SIN3A: variants seen among roughly 807,000 people sequenced by gnomAD.
The protein encoded by SIN3A is SIN3 transcription regulator family member A, also known as paired amphipathic helix protein Sin3a.
Under a neutral mutation model 146.1 loss-of-function variants are expected in SIN3A, and 14 were observed. The observed-to-expected ratio is 0.10, with a 90% confidence interval of 0.06 to 0.15. SIN3A has a LOEUF of 0.15. SIN3A is among the 10% of genes least tolerant of loss of function. SIN3A has a pLI of 1.00. For missense variants in SIN3A, 1,028 were observed against 1,576.0 expected, an observed-to-expected ratio of 0.65 and a Z score of 5.89; for synonymous variants, 572 against 572.0, an observed-to-expected ratio of 1.00 and a Z score of 0.00.
At chr15:75,418,859 A>G (rs1451302271) in intron 3 of SIN3A, among the ~76,000 whole-genome samples, 8 of 151,844 alleles carry the variant, frequency 5.3e-5, no homozygotes, top group African/African-American at 1.5e-4. Context: ...GGTTCACGCC[A>G]TTCTCCTGCC....
At chr15:75,397,980 G>A (rs1005280060) in intron 12 of SIN3A, among the ~76,000 whole-genome samples, 4 of 152,090 alleles carry the variant, frequency 2.6e-5, no homozygotes, top group African/African-American at 9.7e-5. Context: ...TAAATGCTGG[G>A]GCAAAGATGG....
intron 16 of SIN3A, among the ~76,000 whole-genome samples, chr15:75,387,014 C>T (rs1233757859): frequency 6.6e-6 from 1 of 152,064 alleles, no homozygotes; most frequent in Non-Finnish European, 1.5e-5. Flanking sequence ...CCCATGTTGC[C>T]CAGGCTGGTC....
chr15:75,397,336 C>T (rs1180147948), intron 12 of SIN3A, among the ~76,000 whole-genome samples: 3 of 152,168 alleles, frequency 2.0e-5, no homozygotes, highest in African/African-American at 4.8e-5. Flanking sequence ...ATGGACTAAA[C>T]TTCCTGGCTC....
intron 2 of SIN3A, among the ~76,000 whole-genome samples, chr15:75,427,511 T>C (rs2073945411): frequency 6.7e-6 from 1 of 149,274 alleles, no homozygotes; most frequent in Non-Finnish European, 1.5e-5. Flanking sequence ...AATACAAAAA[T>C]TAGCTGGGCG....
chr15:75,437,582 T>C (rs2074129353), intron 1 of SIN3A, among the ~76,000 whole-genome samples: 1 of 152,150 alleles, frequency 6.6e-6, no homozygotes, highest in East Asian at 1.9e-4. Flanking sequence ...ATGAACAATC[T>C]AAAGTAGAAA....
Position 75,389,754 on chromosome 15 carries a change from G to A in SIN3A, c.2919C>T (p.Asn973=), listed in dbSNP as rs1204255340. 13 of 1,614,114 alleles carry A rather than the reference G, an allele frequency of 8.1e-6. No individual in the cohort carries two copies. Among genetic ancestry groups the A allele is most frequent in the Non-Finnish European group, 1.1e-5 (13 of 1,179,996 alleles). ...AATCTTCATACTGTGATGAGTCTAT[G>A]TTGCCATCCAGCAGGCTCCGCACCA... is the stretch of plus-strand genomic sequence containing the variant. ...LDMVRSLLDG[N]IDSSQYEDSL... The change falls in exon 16 of 21, where the codon AAC becomes AAT. Residue 973 remains asparagine, a synonymous_variant. Coordinates refer to ENST00000394947, the MANE Select transcript of SIN3A (RefSeq NM_001145358.2).
At position 75,371,946 on chromosome 15, in the gene SIN3A, A is replaced by G. The variant is rs375599457; in HGVS notation, c.*33T>C. On this transcript the variant is annotated 3_prime_UTR_variant, in exon 21 of 21. Transcript: ENST00000394947. ...CATAGGCCCACACACACATCCCCAC[A>G]CACACCCCAAGTTATCTGCTCTGGC... 5.7e-6 allele frequency: 9 copies of G among 1,592,652 alleles called. No individual in the cohort carries two copies. Among genetic ancestry groups the G allele is most frequent in the Non-Finnish European group, 7.8e-6 (9 of 1,160,954 alleles).
chr15:75,422,904 G>A, intron 2 of SIN3A, 81 bp from the exon 3 acceptor site: 1 of 1,412,656 alleles, frequency 7.1e-7, no homozygotes, highest in Non-Finnish European at 9.7e-7. Context: ...TAACACAAAT[G>A]CACAAAGATA....
At chr15:75,429,753 T>C (rs2073983748) in intron 2 of SIN3A, among the ~76,000 whole-genome samples, 1 of 152,332 alleles carries the variant, frequency 6.6e-6, no homozygotes, top group East Asian at 1.9e-4. Context: ...AGTATATGCA[T>C]GTAATTTACA....
intron 19 of SIN3A, among the ~76,000 whole-genome samples, chr15:75,378,887 G>GAT (rs61263220): frequency 0.37 from 53,736 of 144,760 alleles, 10,714 homozygotes; most frequent in African/African-American, 0.55. Flanking sequence ...ATATAATAGG[G>GAT]ATATATATAT....
At chr15:75,383,271 TA>T (rs79340346) in intron 17 of SIN3A, among the ~76,000 whole-genome samples, 1,179 of 129,022 alleles carry the variant, frequency 9.1e-3, no homozygotes, top group Middle Eastern at 0.02. Flanking sequence ...GTCCCTGTCT[TA>T]AAAAAAAAAA....
chr15:75,377,362 T>C (rs2072880796), intron 19 of SIN3A, among the ~76,000 whole-genome samples: 1 of 152,172 alleles, frequency 6.6e-6, no homozygotes, highest in African/African-American at 2.4e-5. Flanking sequence ...CAGTGGCTCA[T>C]GCTTGTAATC....
intron 19 of SIN3A, among the ~76,000 whole-genome samples, chr15:75,376,774 C>T (rs531706720): frequency 6.7e-6 from 1 of 148,806 alleles, no homozygotes; most frequent in Non-Finnish European, 1.5e-5. Context: ...GTGGGAAGAT[C>T]GTTTGAGCCC....
In SIN3A at chr15:75,372,128, C is replaced by A. The variant is rs1246805620; in HGVS notation, c.3673G>T (p.Glu1225Ter). 1 of 1,614,088 alleles carries A rather than the reference C, an allele frequency of 6.2e-7. No homozygotes were observed. Among genetic ancestry groups the A allele is most frequent in the African/African-American group, 1.3e-5 (1 of 74,930 alleles). ...CACTTGCTGGTCTCTGCTGCCATTT[C>A]ACGGGGCACATGCTCCTTGGTCCAT... ...DKWTKEHVPR[E>*]MAAETSKWLM... The change falls in exon 21 of 21, where the codon GAA (glutamate) becomes TAA (stop). Residue 1225 changes from glutamate to a stop codon, truncating the protein, a stop_gained. Coordinates refer to ENST00000394947, the MANE Select transcript of SIN3A (RefSeq NM_001145358.2). LOFTEE classifies it high-confidence loss of function.
At chr15:75,451,963 G>A (rs1227477376), upstream of SIN3A, among the ~76,000 whole-genome samples, 3 of 152,094 alleles carry the variant, frequency 2.0e-5, no homozygotes, top group Admixed American at 2.0e-4. Flanking sequence ...ACTATTGGAG[G>A]AAGCAGGGAA....
rs2073271362 is a variant in SIN3A, at chr15:75,394,689, G to A, written c.2268C>T (p.Ile756=). The A allele has an allele frequency of 1.2e-6, 2 of 1,611,740 alleles. No individual in the cohort carries two copies. The highest frequency in any genetic ancestry group is 1.1e-5 in the South Asian group (1 of 90,658). The change falls in exon 14 of 21, where the codon ATC becomes ATT. Residue 756 remains isoleucine, a synonymous_variant. Coordinates refer to ENST00000394947, the MANE Select transcript of SIN3A (RefSeq NM_001145358.2). ...SKSLLNEIES[I]YDERQEQATE... ...GAAACCCCCCGCTCACCTCATCATA[G>A]ATACTCTCAATCTCATTGAGTAAGC... is the stretch of plus-strand genomic sequence containing the variant.
chr15:75,391,383 A>C (rs924660190), intron 15 of SIN3A, among the ~76,000 whole-genome samples: 2 of 152,154 alleles, frequency 1.3e-5, no homozygotes, highest in African/African-American at 4.8e-5. Context: ...TCTAAAATTT[A>C]TCTCTTTCGA....
intron 13 of SIN3A, 46 bp downstream of exon 13, chr15:75,396,212 G>T: frequency 7.7e-7 from 1 of 1,301,684 alleles, no homozygotes; most frequent in Non-Finnish European, 1.1e-6. Flanking sequence ...ACACTGAACC[G>T]GTAGTGAAGT....
intron 17 of SIN3A, 69 bp downstream of exon 17, chr15:75,384,195 C>A: frequency 2.2e-6 from 3 of 1,333,634 alleles, no homozygotes; most frequent in Non-Finnish European, 3.1e-6. Flanking sequence ...GCTTTAACTT[C>A]TGGTTCAGAG....
Sources: gnomAD v4.1 joint callset for allele counts (sites outside exome capture counted in the v4.1 genomes callset) on GRCh38, gnomAD v4.1.1 for gene constraint, MANE v1.5 for transcripts, NCBI Gene and HGNC (gene_info 2026-07-23, HGNC 2026-07-21) for gene names.